TMC2: variants seen among roughly 807,000 people sequenced by gnomAD.
TMC2 encodes the protein transmembrane channel like 2.
In TMC2, 102 loss-of-function variants were observed where a neutral mutation model predicts 105.9. The observed-to-expected ratio is 0.96, with a 90% confidence interval of 0.82 to 1.14. The LOEUF (loss-of-function observed/expected upper bound fraction) is 1.14, where lower values mean the gene tolerates loss of function less well. Ranked by LOEUF, TMC2 falls within the 50% of genes most tolerant of loss-of-function variation. The pLI is 0.00. For missense variants in TMC2, 1,093 were observed against 1,134.3 expected (o/e 0.96, Z 0.52); for synonymous variants, 402 against 422.8 (o/e 0.95, Z 0.60).
chr20:2,610,198 T>G (rs1568523407), intron 11 of TMC2, among the ~76,000 whole-genome samples: 1 of 152,188 alleles, frequency 6.6e-6, no homozygotes, highest in Non-Finnish European at 1.5e-5. Flanking sequence ...TTATAGCATC[T>G]GGTCACACAG....
rs780366532 is a variant in TMC2, at chr20:2,592,342, C to T, written c.867C>T (p.Pro289=). 4 of 1,613,842 alleles carry T rather than the reference C, an allele frequency of 2.5e-6. No homozygotes were observed. The East Asian group carries it at 8.9e-5, about 36-fold the overall frequency. The change falls in exon 8 of 20, where the codon CCC becomes CCT. Residue 289 remains proline, a synonymous_variant. Transcript: ENST00000358864. The surrounding 1 kb of genome is among the most constrained non-coding windows in gnomAD (Gnocchi z 4.9). The stretch of plus-strand genomic sequence containing the variant: ...TGGGCATGCCCTATGGGAGTATTCC[C>T]AGAAAGACAGTGCCTCGGGCTGAGG... ...VLMGMPYGSI[P]RKTVPRAEEE...
In TMC2 at chr20:2,616,161, A is replaced by AGGGGAAATGTGCTGGGTTTGATCTTC. The variant is rs2086479945; in HGVS notation, c.1898_1899insGGGAAATGTGCTGGGTTTGATCTTCG (p.Ser633ArgfsTer16). On this transcript the variant is annotated frameshift_variant, in exon 15 of 20. Transcript: ENST00000358864. LOFTEE classifies it high-confidence loss of function. The surrounding 1 kb of genome is among the most constrained non-coding windows in gnomAD (Gnocchi z 4.8). ...GCCTTCATATGCTGAGTTTGATATT[A>AGGGGAAATGTGCTGGGTTTGATCTTC]GTGGAAATGTGCTGGGTTTGATCTT... The AGGGGAAATGTGCTGGGTTTGATCTTC allele has an allele frequency of 6.2e-7, 1 of 1,612,764 alleles. No homozygotes were observed. The highest frequency in any genetic ancestry group is 8.5e-7 in the Non-Finnish European group (1 of 1,179,436).
chr20:2,549,446 A>T (rs1306532887), intron 2 of TMC2, among the ~76,000 whole-genome samples: 3 of 152,106 alleles, frequency 2.0e-5, no homozygotes, highest in African/African-American at 7.2e-5. Flanking sequence ...TGACTTTTTT[A>T]AAAAATATTT....
chr20:2,616,053 T>G lies in TMC2; in HGVS notation c.1873-84T>G. 9.1e-7 allele frequency: 1 copy of G among 1,100,726 alleles called. No homozygotes were observed. The highest frequency in any genetic ancestry group is 1.4e-6 in the Non-Finnish European group (1 of 735,448). 68.2% of individuals were successfully genotyped at this position (1,100,726 alleles called of 1,614,324 possible). On this transcript the variant is annotated intron_variant, in intron 14 of 19. Coordinates refer to ENST00000358864, the MANE Select transcript of TMC2 (RefSeq NM_080751.3). The surrounding 1 kb of genome is among the most constrained non-coding windows in gnomAD (Gnocchi z 4.8). ...GATGGAATGGCCTTGGCTTGGCCAG[T>G]TGGTTGGTAGTAGGGTTTGGCTGAA...
At chr20:2,543,913 T>TA (rs2085907372) in intron 2 of TMC2, among the ~76,000 whole-genome samples, 2 of 151,660 alleles carry the variant, frequency 1.3e-5, no homozygotes, top group Non-Finnish European at 2.9e-5. Context: ...GTTTTTTTTT[T>TA]TTTTTTTGAG....
At chr20:2,596,855 C>T (rs2086311810) in intron 9 of TMC2, among the ~76,000 whole-genome samples, 2 of 151,906 alleles carry the variant, frequency 1.3e-5, no homozygotes. Flanking sequence ...ATGAGTCAAG[C>T]CACAGGAAAT....
chr20:2,590,258 A>G (rs1001199102), intron 7 of TMC2, among the ~76,000 whole-genome samples: 10 of 152,206 alleles, frequency 6.6e-5, no homozygotes, highest in African/African-American at 2.4e-4. Flanking sequence ...GGGAATTGTT[A>G]ACATAAAATG....
intron 5 of TMC2, among the ~76,000 whole-genome samples, chr20:2,572,928 G>T (rs2086113839): frequency 1.3e-5 from 2 of 151,558 alleles, no homozygotes; most frequent in Non-Finnish European, 2.9e-5. Context: ...TTTTTTGTTT[G>T]TTTGTTTTTA....
At chr20:2,620,614 A>C (rs2086518076) in intron 16 of TMC2, among the ~76,000 whole-genome samples, 1 of 152,216 alleles carries the variant, frequency 6.6e-6, no homozygotes, top group African/African-American at 2.4e-5. Context: ...CTTGGACTGA[A>C]AGAAACAGAA....
intron 10 of TMC2, among the ~76,000 whole-genome samples, chr20:2,597,577 T>C (rs2086317912): frequency 6.6e-6 from 1 of 152,050 alleles, no homozygotes; most frequent in African/African-American, 2.4e-5. Context: ...AACCTCTGCC[T>C]CCTGGGCTCA....
In TMC2 at chr20:2,540,712, T is replaced by G. The variant is rs371501360; in HGVS notation, c.82+3396T>G. Among the ~76,000 whole-genome samples, 10 of 151,598 alleles carry G rather than the reference T, an allele frequency of 6.6e-5. No homozygotes were observed. The East Asian group carries it at 1.2e-3, about 18-fold the overall frequency. Reference sequence around the variant, plus strand: ...TTAATGATGGCTTCAGACCCATGTTTGGTGCCTCTTTTTGCCTTTAAAATA... The same window carrying G: ...TTAATGATGGCTTCAGACCCATGTTGGGTGCCTCTTTTTGCCTTTAAAATA... On this transcript the variant is annotated intron_variant, in intron 2 of 19. Coordinates refer to ENST00000358864, the MANE Select transcript of TMC2 (RefSeq NM_080751.3).
chr20:2,564,779 C>G lies in TMC2; in HGVS notation c.554+2769C>G, dbSNP rs141833598. ...AGGAAGAAGCTAAGGCCTGAGAAGC[C>G]AAGGAGACCTATGCCTCTCTCACTG... On this transcript the variant is annotated intron_variant, in intron 4 of 19. Coordinates refer to ENST00000358864, the MANE Select transcript of TMC2 (RefSeq NM_080751.3). Among the ~76,000 whole-genome samples the G allele has an allele frequency of 9.4e-3, 1,437 of 152,304 alleles. 18 individuals carry two copies. The highest frequency in any genetic ancestry group is 0.027 in the Middle Eastern group (8 of 294).
intron 2 of TMC2, among the ~76,000 whole-genome samples, chr20:2,554,279 C>G (rs28588103): frequency 1.3e-5 from 2 of 151,982 alleles, no homozygotes; most frequent in African/African-American, 4.8e-5. Context: ...GCCTGGGCAA[C>G]GGAGCAACAC....
chr20:2,595,403 T>C (rs561545337), intron 9 of TMC2, among the ~76,000 whole-genome samples: 20 of 152,208 alleles, frequency 1.3e-4, no homozygotes, highest in Admixed American at 4.6e-4. Context: ...CAAAAAACTC[T>C]TCTGCTCCTC....
intron 9 of TMC2, among the ~76,000 whole-genome samples, chr20:2,596,316 GTAA>G (rs1243040843): frequency 6.6e-6 from 1 of 152,170 alleles, no homozygotes; most frequent in Non-Finnish European, 1.5e-5. Context: ...CGGTGCAAAA[GTAA>G]TTGATGGTTT....
chr20:2,602,092 ATC>A lies in TMC2; in HGVS notation c.1225-18_1225-17del. ...CATTTCTGGCCTGACATTTATGCAC[ATC>A]TCATTTTCACACATTAAGGAATCAA... is the stretch of plus-strand genomic sequence containing the variant. On this transcript the variant is annotated intron_variant, in intron 10 of 19. Coordinates refer to ENST00000358864, the MANE Select transcript of TMC2 (RefSeq NM_080751.3). 6.3e-7 allele frequency: 1 copy of A among 1,580,492 alleles called. No individual in the cohort carries two copies. Among genetic ancestry groups the A allele is most frequent in the Non-Finnish European group, 8.6e-7 (1 of 1,159,464 alleles).
intron 7 of TMC2, among the ~76,000 whole-genome samples, chr20:2,589,719 G>A (rs887362947): frequency 6.6e-6 from 1 of 152,124 alleles, no homozygotes; most frequent in Non-Finnish European, 1.5e-5. Context: ...TCCCAGGCTG[G>A]AGTGCAGTGG....
chr20:2,636,244 G>C (rs1327243349), intron 18 of TMC2, among the ~76,000 whole-genome samples: 1 of 152,112 alleles, frequency 6.6e-6, no homozygotes, highest in African/African-American at 2.4e-5. Context: ...CTAAAGAACA[G>C]GAGAAATTCA....
intron 9 of TMC2, among the ~76,000 whole-genome samples, chr20:2,596,448 A>G (rs1275949761): frequency 1.3e-5 from 2 of 152,150 alleles, no homozygotes; most frequent in African/African-American, 4.8e-5. Flanking sequence ...CCTGGCCAAC[A>G]TGGCAAAACC....
Sources: gnomAD v4.1 joint callset for allele counts (sites outside exome capture counted in the v4.1 genomes callset) on GRCh38, gnomAD v4.1.1 for gene constraint, Gnocchi (gnomAD v3.1) non-coding constraint, MANE v1.5 for transcripts, NCBI Gene and HGNC (gene_info 2026-07-23, HGNC 2026-07-21) for gene names.